The following PLD5 variants were observed in gnomAD, a reference collection of about 807,000 sequenced individuals.
PLD5 encodes phospholipase D family member 5, also known as inactive phospholipase D5.
Under a neutral mutation model 61.1 loss-of-function variants are expected in PLD5, and 36 were observed. That is an observed-to-expected ratio of 0.59 (90% CI 0.45 to 0.78). The LOEUF (loss-of-function observed/expected upper bound fraction) is 0.78. PLD5 is among the 30% of genes least tolerant of loss of function. PLD5 has a pLI of 0.00. For synonymous variants in PLD5, 243 were observed against 242.8 expected, an observed-to-expected ratio of 1.00 and a Z score of -0.01; for missense variants, 515 against 644.4, an observed-to-expected ratio of 0.80 and a Z score of 2.17.
chr1:242,211,722 A>T (rs1228020255), intron 5 of PLD5, among the ~76,000 whole-genome samples: 3 of 152,154 alleles, frequency 2.0e-5, no homozygotes, highest in Non-Finnish European at 4.4e-5. Flanking sequence ...GGACCCCCCG[A>T]AAATGAAGGT....
chr1:242,524,872 C>T (rs548241508), upstream of PLD5, among the ~76,000 whole-genome samples: 1 of 152,022 alleles, frequency 6.6e-6, no homozygotes, highest in East Asian at 2.0e-4. Flanking sequence ...ACCCGCCTTT[C>T]CCGAGCAGGC....
intron 5 of PLD5, among the ~76,000 whole-genome samples, chr1:242,133,582 T>C (rs746650120): frequency 6.6e-6 from 1 of 152,210 alleles, no homozygotes; most frequent in African/African-American, 2.4e-5. Context: ...CACAGAATAA[T>C]GTCCCTTCAT....
intron 5 of PLD5, among the ~76,000 whole-genome samples, chr1:242,185,284 C>CCAACAACAA (rs912140960): frequency 6.6e-6 from 1 of 151,758 alleles, no homozygotes; most frequent in African/African-American, 2.4e-5. Context: ...CAGGGTGCTT[C>CCAACAACAA]CAACAACAAC....
chr1:242,241,918 G>T (rs1449287864), intron 4 of PLD5, among the ~76,000 whole-genome samples: 2 of 102,626 alleles, frequency 1.9e-5, no homozygotes, highest in Non-Finnish European at 3.8e-5. Context: ...TATACTTACT[G>T]TATATATATA....
At chr1:242,394,898 T>TTATATATGAATATA (rs1553366816) in intron 1 of PLD5, among the ~76,000 whole-genome samples, 69 of 102,594 alleles carry the variant, frequency 6.7e-4, no homozygotes, top group African/African-American at 2.5e-3. Context: ...ATATATATGA[T>TTATATATGAATATA]TATATATGAA....
At chr1:242,347,609 T>C (rs984794760) in intron 2 of PLD5, among the ~76,000 whole-genome samples, 15 of 152,164 alleles carry the variant, frequency 9.9e-5, no homozygotes, top group Non-Finnish European at 1.9e-4. Context: ...GCTATTGTAG[T>C]TTCTAGATTA....
chr1:242,388,539 T>C (rs1662730882), intron 1 of PLD5, among the ~76,000 whole-genome samples: 1 of 152,096 alleles, frequency 6.6e-6, no homozygotes, highest in Non-Finnish European at 1.5e-5. Flanking sequence ...GTGGATGGAA[T>C]TCCACATAAT....
chr1:242,370,444 G>C (rs1661570246), intron 1 of PLD5, among the ~76,000 whole-genome samples: 1 of 152,100 alleles, frequency 6.6e-6, no homozygotes, highest in Admixed American at 6.5e-5. Flanking sequence ...GATGCAGAGA[G>C]AGAGAGATGC....
chr1:242,505,984 A>G (rs1668706430), intron 1 of PLD5, among the ~76,000 whole-genome samples: 2 of 152,246 alleles, frequency 1.3e-5, no homozygotes, highest in East Asian at 3.9e-4. Context: ...CTTGCTGCAG[A>G]CTGTATAAAA....
At chr1:242,298,907 G>A (rs1675872002) in intron 2 of PLD5, among the ~76,000 whole-genome samples, 1 of 152,052 alleles carries the variant, frequency 6.6e-6, no homozygotes, top group African/African-American at 2.4e-5. Context: ...GGAACGTAAT[G>A]CACCTACCTG....
chr1:242,096,315 C>T (rs188685437), intron 9 of PLD5, among the ~76,000 whole-genome samples: 1 of 151,106 alleles, frequency 6.6e-6, no homozygotes, highest in African/African-American at 2.4e-5. Flanking sequence ...ATCGAAAGAT[C>T]GATCTCTCTC....
intron 1 of PLD5, among the ~76,000 whole-genome samples, chr1:242,413,836 G>A (rs73132334): frequency 0.033 from 5,087 of 152,202 alleles, 295 homozygotes; most frequent in African/African-American, 0.11. Flanking sequence ...AAGTGGTATA[G>A]GATTGCTAAA....
chr1:242,096,540 C>T (rs1660245383), intron 9 of PLD5, among the ~76,000 whole-genome samples: 2 of 151,894 alleles, frequency 1.3e-5, no homozygotes, highest in Admixed American at 1.3e-4. Context: ...CGGGGTTTCA[C>T]CATGTTGCCC....
intron 6 of PLD5, among the ~76,000 whole-genome samples, chr1:242,122,618 AATTTAT>A (rs761028992): frequency 3.9e-5 from 6 of 152,062 alleles, no homozygotes; most frequent in Admixed American, 2.6e-4. Flanking sequence ...ATGTCTATAT[AATTTAT>A]ATTTATATTT....
intron 6 of PLD5, among the ~76,000 whole-genome samples, chr1:242,117,749 T>C (rs1553302450): frequency 7.1e-6 from 1 of 141,462 alleles, no homozygotes; most frequent in South Asian, 2.1e-4. Flanking sequence ...TATTTATTTC[T>C]TTTGCTTTTT....
chr1:242,328,953 C>T (rs1298622703), intron 2 of PLD5, among the ~76,000 whole-genome samples: 2 of 152,040 alleles, frequency 1.3e-5, no homozygotes, highest in Non-Finnish European at 2.9e-5. Context: ...TCTTCCTACT[C>T]CTATTTCTTT....
At chr1:242,109,837 A>G (rs1163359566) in intron 7 of PLD5, among the ~76,000 whole-genome samples, 2 of 151,578 alleles carry the variant, frequency 1.3e-5, no homozygotes, top group Non-Finnish European at 1.5e-5. Flanking sequence ...TGTCTGTAAT[A>G]TTCTGCACTC....
intron 5 of PLD5, among the ~76,000 whole-genome samples, chr1:242,143,015 GC>G (rs971693139): frequency 7.3e-5 from 11 of 150,804 alleles, no homozygotes; most frequent in African/African-American, 2.7e-4. Context: ...ACCGTGCCTG[GC>G]CTCTTTTTTT....
chr1:242,511,239 G>A (rs560749125), intron 1 of PLD5, among the ~76,000 whole-genome samples: 3 of 152,270 alleles, frequency 2.0e-5, no homozygotes, highest in South Asian at 2.1e-4. Context: ...TATCCCAGGG[G>A]TCTACGGATA....
Sources: gnomAD v4.1 joint callset for allele counts (sites outside exome capture counted in the v4.1 genomes callset) on GRCh38, gnomAD v4.1.1 for gene constraint, MANE v1.5 for transcripts, NCBI Gene and HGNC (gene_info 2026-07-23, HGNC 2026-07-21) for gene names.